PTPRG: variants seen among roughly 807,000 people sequenced by gnomAD.
PTPRG encodes protein tyrosine phosphatase receptor type G.
In PTPRG, 102 loss-of-function variants were observed where a neutral mutation model predicts 165.3. That is an observed-to-expected ratio of 0.62 (90% CI 0.53 to 0.73). The LOEUF (loss-of-function observed/expected upper bound fraction) is 0.73, where lower values mean the gene tolerates loss of function less well. Ranked by LOEUF, PTPRG falls within the 30% of genes least tolerant of loss-of-function variation. The pLI, the probability that PTPRG is intolerant of heterozygous loss-of-function variation, is 0.00. For missense variants in PTPRG, 1,866 were observed against 1,861.4 expected, an observed-to-expected ratio of 1.00 and a Z score of -0.05; for synonymous variants, 675 against 669.5, an observed-to-expected ratio of 1.01 and a Z score of -0.13.
At chr3:62,161,112 T>TAATACC (rs1704743677) in intron 7 of PTPRG, among the ~76,000 whole-genome samples, 2 of 151,988 alleles carry the variant, frequency 1.3e-5, no homozygotes, top group African/African-American at 4.8e-5. Context: ...ATGATAATAC[T>TAATACC]CCCCTCATGG....
intron 1 of PTPRG, among the ~76,000 whole-genome samples, chr3:61,735,968 C>T (rs916224074): frequency 2.7e-5 from 4 of 149,996 alleles, no homozygotes; most frequent in South Asian, 2.1e-4. Context: ...AGCGCAGTGG[C>T]GTGATCTCAG....
At chr3:61,654,490 T>G (rs879472842) in intron 1 of PTPRG, among the ~76,000 whole-genome samples, 1 of 152,018 alleles carries the variant, frequency 6.6e-6, no homozygotes, top group African/African-American at 2.4e-5. Context: ...GCTCAAGCAA[T>G]TCTCATACCT....
intron 1 of PTPRG, among the ~76,000 whole-genome samples, chr3:61,725,320 G>T (rs990469673): frequency 9.0e-4 from 137 of 152,102 alleles, no homozygotes; most frequent in African/African-American, 3.2e-3. Flanking sequence ...TTTTCACCAT[G>T]TTGGCCAGGC....
intron 1 of PTPRG, among the ~76,000 whole-genome samples, chr3:61,578,873 C>T (rs139104381): frequency 9.2e-5 from 14 of 152,314 alleles, no homozygotes; most frequent in Non-Finnish European, 2.1e-4. Flanking sequence ...GAATGTTTGG[C>T]AGGGTGGACA....
At chr3:62,131,135 G>A (rs1343431595) in intron 5 of PTPRG, among the ~76,000 whole-genome samples, 1 of 152,090 alleles carries the variant, frequency 6.6e-6, no homozygotes, top group Non-Finnish European at 1.5e-5. Context: ...TGACATCTTA[G>A]CCAGAAAAGA....
At chr3:62,015,177 A>G (rs1559747186) in intron 4 of PTPRG, among the ~76,000 whole-genome samples, 1 of 152,224 alleles carries the variant, frequency 6.6e-6, no homozygotes, top group African/African-American at 2.4e-5. Context: ...CATTTGGTTC[A>G]TTAACAGAGC....
chr3:61,927,039 C>T (rs2039232078), intron 2 of PTPRG, among the ~76,000 whole-genome samples: 1 of 152,182 alleles, frequency 6.6e-6, no homozygotes, highest in Non-Finnish European at 1.5e-5. Flanking sequence ...TGTGCAACTG[C>T]ATGAGTACAT....
At chr3:61,731,062 G>A (rs1281095637) in intron 1 of PTPRG, among the ~76,000 whole-genome samples, 1 of 152,170 alleles carries the variant, frequency 6.6e-6, no homozygotes, top group Non-Finnish European at 1.5e-5. Context: ...GCCAAGCCAA[G>A]GTGTTAGGCT....
intron 4 of PTPRG, among the ~76,000 whole-genome samples, chr3:62,016,109 T>C (rs552849455): frequency 7.9e-5 from 12 of 152,124 alleles, no homozygotes; most frequent in Non-Finnish European, 1.3e-4. Context: ...AGAGTAAATT[T>C]GAGTTAATAG....
intron 6 of PTPRG, among the ~76,000 whole-genome samples, chr3:62,135,680 AT>A (rs1262639220): frequency 6.6e-6 from 1 of 152,172 alleles, no homozygotes; most frequent in East Asian, 1.9e-4. Flanking sequence ...TGCAAGAAAG[AT>A]TTTTGGCAGG....
intron 2 of PTPRG, among the ~76,000 whole-genome samples, chr3:61,777,609 G>C (rs189565011): frequency 1.3e-5 from 2 of 152,280 alleles, no homozygotes; most frequent in Admixed American, 1.3e-4. Flanking sequence ...CAGGGAATCG[G>C]AGACATTTAG....
In PTPRG at chr3:62,043,561, A is replaced by G. The variant is rs570032162; in HGVS notation, c.520-34602A>G. Among the ~76,000 whole-genome samples the G allele has an allele frequency of 9.8e-5, 15 of 152,368 alleles. No individual in the cohort carries two copies. In the East Asian group the frequency reaches 2.9e-3, roughly 29 times the overall value. On this transcript the variant is annotated intron_variant, in intron 4 of 29. Coordinates refer to ENST00000474889, the MANE Select transcript of PTPRG (RefSeq NM_002841.4). ...TTTATTTTAAAAGGGCAGATAAAATATCCTCTGTTGCAAAAGGTCTCTTTT... is the reference window on the plus strand; with the variant it reads ...TTTATTTTAAAAGGGCAGATAAAATGTCCTCTGTTGCAAAAGGTCTCTTTT...
chr3:62,187,409 A>G (rs73840264), intron 8 of PTPRG, among the ~76,000 whole-genome samples: 1,531 of 152,346 alleles, frequency 0.01, 23 homozygotes, highest in African/African-American at 0.034. Flanking sequence ...TTGTGTAACC[A>G]TGAGCTAAGA....
intron 4 of PTPRG, among the ~76,000 whole-genome samples, chr3:62,059,191 A>G (rs1012642252): frequency 9.2e-5 from 14 of 152,232 alleles, no homozygotes; most frequent in Admixed American, 5.2e-4. Flanking sequence ...TAGAATTGTC[A>G]TGAAGATAAA....
chr3:61,818,120 G>A (rs7643445), intron 2 of PTPRG, among the ~76,000 whole-genome samples: 12,760 of 152,080 alleles, frequency 0.084, 752 homozygotes, highest in South Asian at 0.18. Context: ...CATGATTAGC[G>A]TTTGGGAATA....
At chr3:61,958,513 T>G (rs2040083137) in intron 2 of PTPRG, among the ~76,000 whole-genome samples, 1 of 152,034 alleles carries the variant, frequency 6.6e-6, no homozygotes, top group Non-Finnish European at 1.5e-5. Context: ...AGGTCAAGGG[T>G]TCTTAATGCT....
At chr3:61,850,265 C>A (rs531781186) in intron 2 of PTPRG, among the ~76,000 whole-genome samples, 1 of 152,086 alleles carries the variant, frequency 6.6e-6, no homozygotes, top group Non-Finnish European at 1.5e-5. Context: ...TGGGTTCAAG[C>A]GATTCTCCCT....
intron 2 of PTPRG, among the ~76,000 whole-genome samples, chr3:61,805,309 A>G (rs957442500): frequency 6.6e-5 from 10 of 152,162 alleles, no homozygotes; most frequent in Non-Finnish European, 1.0e-4. Flanking sequence ...TGTCCCCACA[A>G]AAGAATGTTC....
chr3:62,043,715 T>A (rs967306144), intron 4 of PTPRG, among the ~76,000 whole-genome samples: 5 of 152,184 alleles, frequency 3.3e-5, no homozygotes, highest in African/African-American at 1.2e-4. Context: ...TGTTTGCTTG[T>A]TTTTACTTCT....
Sources: gnomAD v4.1 joint callset for allele counts (sites outside exome capture counted in the v4.1 genomes callset) on GRCh38, gnomAD v4.1.1 for gene constraint, MANE v1.5 for transcripts, NCBI Gene and HGNC (gene_info 2026-07-23, HGNC 2026-07-21) for gene names.